EIF2S3: variants seen among roughly 807,000 people sequenced by gnomAD.
The protein encoded by EIF2S3 is eukaryotic translation initiation factor 2 subunit 3.
A neutral mutation model predicts 31.7 loss-of-function variants in EIF2S3; 2 were observed. The ratio of observed to expected loss-of-function variants is 0.06; its 90% CI spans 0.03 to 0.20. The LOEUF is 0.20. EIF2S3 is among the 10% of genes least tolerant of loss of function. EIF2S3 has a pLI of 1.00. For synonymous variants in EIF2S3, 120 were observed against 126.7 expected, an observed-to-expected ratio of 0.95 and a Z score of 0.36; for missense variants, 96 against 359.3, an observed-to-expected ratio of 0.27 and a Z score of 5.92.
In EIF2S3 at chrX:24,076,713, A is replaced by G; in HGVS notation, c.1356-9A>G. 8.3e-7 allele frequency: 1 copy of G among 1,203,371 alleles called. No individual in the cohort carries two copies. ...AAGATTTATGATTTCTTTTATTTTCATTTTGCAGTTTAATTGGTTGGGGTC... is the reference window on the plus strand; with the variant it reads ...AAGATTTATGATTTCTTTTATTTTCGTTTTGCAGTTTAATTGGTTGGGGTC... On this transcript the variant is annotated splice_polypyrimidine_tract_variant and intron_variant, in intron 11 of 11. Transcript: ENST00000253039.
intron 5 of EIF2S3, among the ~76,000 whole-genome samples, chrX:24,060,786 A>G (rs748177599): frequency 2.9e-5 from 3 of 104,420 alleles, no homozygotes; most frequent in Non-Finnish European, 3.9e-5. Flanking sequence ...ACATGGAGAA[A>G]CCCCCTCTCT....
chrX:24,061,416 G>A (rs1930490987), intron 5 of EIF2S3, among the ~76,000 whole-genome samples: 3 of 107,923 alleles, frequency 2.8e-5, no homozygotes, highest in South Asian at 4.1e-4. Context: ...AAAATTAGCC[G>A]GGTGTGGTGG....
In EIF2S3 at chrX:24,055,668, A is replaced by G. The variant is rs56229020; in HGVS notation, c.123A>G (p.Thr41=). 4.4e-4 allele frequency: 538 copies of G among 1,209,861 alleles called. No homozygotes were observed. The African/African-American group carries it at 5.3e-3, about 12-fold the overall frequency. The change falls in exon 2 of 12, where the codon ACA becomes ACG. Residue 41 remains threonine, a synonymous_variant. Transcript: ENST00000253039. ...LSHEVISRQA[T]INIGTIGHVA... is the part of the protein sequence containing the mutation. ...ACGAAGTTATCAGCAGACAAGCCAC[A>G]ATTAACATAGGTAAGAGTAACTTAA...
chrX:24,063,413 T>G (rs1930522709), intron 6 of EIF2S3, among the ~76,000 whole-genome samples: 1 of 112,205 alleles, frequency 8.9e-6, no homozygotes, highest in African/African-American at 3.2e-5. Flanking sequence ...AAGTAATAAG[T>G]GAATTTGATT....
rs754589833 is a variant in EIF2S3 at position 24,069,686 on chromosome X, CTTTTTTTTTTTTTT to C, written c.1012+1587_1012+1600del. On this transcript the variant is annotated intron_variant, in intron 9 of 11. Coordinates refer to ENST00000253039, the MANE Select transcript of EIF2S3 (RefSeq NM_001415.4). ...TTAACTTAAGGAACTTTTTTAATTTCTTTTTTTTTTTTTTTTTTTTTTGAGGCAGAGTCTCATTC... is the reference window on the plus strand; with the variant it reads ...TTAACTTAAGGAACTTTTTTAATTTCTTTTTTTTGAGGCAGAGTCTCATTC... 4.9e-5 allele frequency among the ~76,000 whole-genome samples: 3 copies of C among 60,986 alleles called. No homozygotes were observed. In the East Asian group the frequency reaches 1.5e-3, roughly 31 times the overall value. The allele number at this position is 60,986 out of a possible 115,157, so 53.0% of individuals were successfully genotyped here.
intron 4 of EIF2S3, 122 bp from the exon 5 acceptor site, chrX:24,059,966 C>T: frequency 1.9e-6 from 1 of 517,537 alleles, no homozygotes. Flanking sequence ...AAACGACAAG[C>T]CCTGTAACCA....
intron 9 of EIF2S3, among the ~76,000 whole-genome samples, chrX:24,069,457 C>T (rs1301061666): frequency 9.3e-6 from 1 of 107,540 alleles, no homozygotes; most frequent in African/African-American, 3.4e-5. Context: ...GCTCATAATT[C>T]CAGTGCTTTG....
At chrX:24,067,807 C>T (rs905976315) in intron 8 of EIF2S3, among the ~76,000 whole-genome samples, 157 bp from the exon 9 acceptor site, 5 of 108,462 alleles carry the variant, frequency 4.6e-5, no homozygotes, top group African/African-American at 1.7e-4. Flanking sequence ...GGGCTGGTCT[C>T]GAACTCCTGA....
intron 4 of EIF2S3, among the ~76,000 whole-genome samples, chrX:24,058,536 CT>C (rs1183377998): frequency 0.028 from 2,356 of 82,922 alleles, 53 homozygotes; most frequent in African/African-American, 0.11. Flanking sequence ...TTTTTTCTTT[CT>C]TTTTTTTTTT....
intron 7 of EIF2S3, among the ~76,000 whole-genome samples, chrX:24,065,719 C>G (rs1315136285): frequency 8.9e-6 from 1 of 112,030 alleles, no homozygotes; most frequent in African/African-American, 3.2e-5. Flanking sequence ...GGTCATCCTT[C>G]CAGATCATTA....
chrX:24,074,250 G>A (rs975878825), intron 11 of EIF2S3, among the ~76,000 whole-genome samples: 2 of 112,056 alleles, frequency 1.8e-5, no homozygotes, highest in Admixed American at 9.6e-5. Context: ...TTACTTTATA[G>A]AATATTCCTC....
At chrX:24,056,071 C>G (rs1009054803) in intron 2 of EIF2S3, among the ~76,000 whole-genome samples, 11 of 111,667 alleles carry the variant, frequency 9.9e-5, no homozygotes, top group African/African-American at 3.6e-4. Context: ...TCTTAATTGG[C>G]ACCTAGAACT....
chrX:24,074,853 T>TTTC (rs1569280856), intron 11 of EIF2S3, among the ~76,000 whole-genome samples: 30 of 77,495 alleles, frequency 3.9e-4, no homozygotes, highest in African/African-American at 1.3e-3. Context: ...ATCATTTTTT[T>TTTC]TTCTTCTTCT....
intron 11 of EIF2S3, among the ~76,000 whole-genome samples, chrX:24,075,165 T>A (rs1485093886): frequency 9.0e-6 from 1 of 110,613 alleles, no homozygotes; most frequent in African/African-American, 3.3e-5. Context: ...ACGCCTGACC[T>A]CTTTCTTCTT....
chrX:24,066,495 A>G lies in EIF2S3; in HGVS notation c.867+403A>G, dbSNP rs180794140. On this transcript the variant is annotated intron_variant, in intron 8 of 11. Coordinates refer to ENST00000253039, the MANE Select transcript of EIF2S3 (RefSeq NM_001415.4). Reference sequence around the variant, plus strand: ...GGCTGCATAATACTTCATTGCATATATATATATGCTGCCATTGCTTTTCTT... The same window carrying G: ...GGCTGCATAATACTTCATTGCATATGTATATATGCTGCCATTGCTTTTCTT... Among the ~76,000 whole-genome samples, 423 of 106,182 alleles carry G rather than the reference A, an allele frequency of 4.0e-3. 3 individuals carry two copies. The highest frequency in any genetic ancestry group is 0.014 in the African/African-American group (404 of 29,276). 92.2% of individuals were successfully genotyped at this position (106,182 alleles called of 115,157 possible).
At chrX:24,075,325 C>T (rs1474639971) in intron 11 of EIF2S3, among the ~76,000 whole-genome samples, 5 of 110,795 alleles carry the variant, frequency 4.5e-5, no homozygotes, top group African/African-American at 1.6e-4. Flanking sequence ...GCTGTTGCTT[C>T]TAGGTCTTTT....
intron 6 of EIF2S3, 200 bp downstream of exon 6, chrX:24,062,774 A>G (rs1720039226): frequency 2.8e-6 from 1 of 361,036 alleles, no homozygotes; most frequent in African/African-American, 2.7e-5. Context: ...AATATACTAA[A>G]GTATATTTTT....
At chrX:24,066,607 G>C (rs1251507110) in intron 8 of EIF2S3, among the ~76,000 whole-genome samples, 1 of 108,083 alleles carries the variant, frequency 9.3e-6, no homozygotes, top group East Asian at 2.9e-4. Context: ...TCACCTCCTG[G>C]GTTCAAGCGA....
chrX:24,071,824 T>A, intron 10 of EIF2S3, 97 bp downstream of exon 10: 1 of 958,730 alleles, frequency 1.0e-6, no homozygotes, highest in Non-Finnish European at 1.4e-6. Flanking sequence ...AACATGAAAT[T>A]AAGAAAAAAA....
Sources: allele counts gnomAD v4.1 joint callset (sites outside exome capture counted in the v4.1 genomes callset), GRCh38; gene constraint gnomAD v4.1.1; transcripts MANE v1.5; gene names NCBI Gene and HGNC (gene_info 2026-07-23, HGNC 2026-07-21).